Variants in SHLD1 observed in about 807,000 individuals in gnomAD.
SHLD1 encodes the protein shieldin complex subunit 1, also known as RINN1-REV7-interacting novel NHEJ regulator 3.
A neutral mutation model predicts 5.5 loss-of-function variants in SHLD1; 3 were observed. That is an observed-to-expected ratio of 0.54 (90% CI 0.25 to 1.40). The LOEUF is 1.40. Among genes scored for constraint, SHLD1 ranks in the 40% most tolerant of loss-of-function variants. SHLD1 has a pLI of 0.15. For synonymous variants in SHLD1, 92 were observed against 94.3 expected, an observed-to-expected ratio of 0.98 and a Z score of 0.14; for missense variants, 210 against 244.4, an observed-to-expected ratio of 0.86 and a Z score of 0.94.
At position 5,819,011 on chromosome 20, in the gene SHLD1, C is replaced by T. The variant is rs551473657; in HGVS notation, c.179-44013C>T. On this transcript the variant is annotated intron_variant, in intron 2 of 2. Transcript: ENST00000303142. ...CCAAGTAGCTGGGACTACAGGTGTGCGCCATCACACCCAGCTGATTTTTGT... is the reference window on the plus strand; with the variant it reads ...CCAAGTAGCTGGGACTACAGGTGTGTGCCATCACACCCAGCTGATTTTTGT... Among the ~76,000 whole-genome samples, 99 of 152,182 alleles carry T rather than the reference C, an allele frequency of 6.5e-4. No individual in the cohort carries two copies. The South Asian group carries it at 6.6e-3, about 10-fold the overall frequency.
intron 2 of SHLD1, among the ~76,000 whole-genome samples, chr20:5,799,510 G>C (rs1281788126): frequency 1.9e-5 from 2 of 104,028 alleles, no homozygotes; most frequent in Non-Finnish European, 3.7e-5. Context: ...ACAGGGTTTT[G>C]CCATGTTGCC....
chr20:5,765,539 C>T (rs1023536021), intron 1 of SHLD1, among the ~76,000 whole-genome samples: 5 of 152,000 alleles, frequency 3.3e-5, no homozygotes, highest in Non-Finnish European at 7.4e-5. Flanking sequence ...TGAGCCACCA[C>T]GCCAGGCCAC....
intron 2 of SHLD1, among the ~76,000 whole-genome samples, chr20:5,820,868 G>A (rs2087598343): frequency 6.6e-6 from 1 of 152,182 alleles, no homozygotes; most frequent in African/African-American, 2.4e-5. Flanking sequence ...CAACCAGGCT[G>A]TTACCTAAAA....
Position 5,769,464 on chromosome 20 carries a change from C to A in SHLD1, c.-4-3398C>A, listed in dbSNP as rs116176437. 8.1e-3 allele frequency among the ~76,000 whole-genome samples: 1,232 copies of A among 152,328 alleles called. 19 individuals carry two copies. Among genetic ancestry groups the A allele is most frequent in the African/African-American group, 0.028 (1,174 of 41,568 alleles). Reference sequence around the variant, plus strand: ...CCCTTGAGGTGGACTACGGACCCCCCAGGGGATACCCGAAATGGCAGATGG... The same window carrying A: ...CCCTTGAGGTGGACTACGGACCCCCAAGGGGATACCCGAAATGGCAGATGG... On this transcript the variant is annotated intron_variant, in intron 1 of 2. Transcript: ENST00000303142.
At chr20:5,809,636 A>G (rs1368376009) in intron 2 of SHLD1, among the ~76,000 whole-genome samples, 1 of 152,000 alleles carries the variant, frequency 6.6e-6, no homozygotes, top group African/African-American at 2.4e-5. Flanking sequence ...TGTACAGACA[A>G]CTTAAATATT....
At chr20:5,815,434 G>A (rs1288402263) in intron 2 of SHLD1, among the ~76,000 whole-genome samples, 6 of 152,214 alleles carry the variant, frequency 3.9e-5, no homozygotes, top group African/African-American at 1.4e-4. Flanking sequence ...TAAAGTGTGA[G>A]GTGGAGGCCA....
intron 2 of SHLD1, among the ~76,000 whole-genome samples, chr20:5,861,678 A>G (rs2088164898): frequency 6.6e-6 from 1 of 152,194 alleles, no homozygotes; most frequent in African/African-American, 2.4e-5. Flanking sequence ...TGAAGCCCAG[A>G]AAGGTTGTAT....
intron 1 of SHLD1, 37 bp downstream of exon 1, chr20:5,750,516 T>TGGGGGGGGGG (rs1983681782): frequency 2.3e-4 from 4 of 17,444 alleles, no homozygotes; most frequent in Non-Finnish European, 4.3e-4. Context: ...GTTGGAGTGG[T>TGGGGGGGGGG]GGGGGCGGGG....
intron 1 of SHLD1, among the ~76,000 whole-genome samples, chr20:5,751,692 AT>A (rs1983759079): frequency 6.6e-6 from 1 of 152,202 alleles, no homozygotes; most frequent in South Asian, 2.1e-4. Flanking sequence ...TCTGTAAACT[AT>A]TTTAAAGCGG....
intron 2 of SHLD1, among the ~76,000 whole-genome samples, chr20:5,795,486 C>G (rs554115616): frequency 6.6e-6 from 1 of 151,278 alleles, no homozygotes; most frequent in African/African-American, 2.4e-5. Context: ...GTAATCCCAG[C>G]TACTTGGGAG....
chr20:5,767,129 T>TTTC (rs141810317), intron 1 of SHLD1, among the ~76,000 whole-genome samples: 2 of 145,432 alleles, frequency 1.4e-5, no homozygotes, highest in Non-Finnish European at 2.9e-5. Flanking sequence ...CACATTTTCT[T>TTTC]TTCTTTTCTT....
At chr20:5,847,203 T>C (rs1428736867) in intron 2 of SHLD1, among the ~76,000 whole-genome samples, 1 of 152,214 alleles carries the variant, frequency 6.6e-6, no homozygotes, top group Non-Finnish European at 1.5e-5. Flanking sequence ...AACCCCTTCT[T>C]CCAGTGATCC....
chr20:5,842,568 G>A (rs376532775), intron 2 of SHLD1, among the ~76,000 whole-genome samples: 6 of 152,210 alleles, frequency 3.9e-5, no homozygotes, highest in East Asian at 3.9e-4. Context: ...CCATTAACTC[G>A]TTGTCTCATT....
chr20:5,764,190 AT>A (rs1186948406), intron 1 of SHLD1, among the ~76,000 whole-genome samples: 1 of 52,638 alleles, frequency 1.9e-5, no homozygotes, highest in Non-Finnish European at 3.6e-5. Context: ...ATATATATAT[AT>A]TTTATATATA....
intron 2 of SHLD1, among the ~76,000 whole-genome samples, chr20:5,807,798 T>C (rs2087400832): frequency 6.6e-6 from 1 of 152,346 alleles, no homozygotes; most frequent in African/African-American, 2.4e-5. Flanking sequence ...AGCAATGAGC[T>C]AGAAAGAGGA....
At position 5,821,338 on chromosome 20, in the gene SHLD1, C is replaced by T. The variant is rs113160049; in HGVS notation, c.179-41686C>T. The stretch of plus-strand genomic sequence containing the variant: ...GACCAGACTGGCCAACATGGTGAAA[C>T]CCCGTTTCTACTAAAAATACAAAAA... On this transcript the variant is annotated intron_variant, in intron 2 of 2. Coordinates refer to ENST00000303142, the MANE Select transcript of SHLD1 (RefSeq NM_152504.4). Among the ~76,000 whole-genome samples the T allele has an allele frequency of 7.6e-3, 1,162 of 151,996 alleles. 9 individuals are homozygous for T. The highest frequency in any genetic ancestry group is 0.027 in the African/African-American group (1,127 of 41,472).
In SHLD1 at chr20:5,752,268, C is replaced by T. The variant is rs150247291; in HGVS notation, c.-5+1789C>T. Among the ~76,000 whole-genome samples the T allele has an allele frequency of 1.3e-4, 20 of 152,130 alleles. No homozygotes were observed. In the East Asian group the frequency reaches 3.9e-3, roughly 29 times the overall value. On this transcript the variant is annotated intron_variant, in intron 1 of 2. Transcript: ENST00000303142. The stretch of plus-strand genomic sequence containing the variant: ...AAAATTAGCCAGGCACGGTGGCGTG[C>T]GCCTGTAATCCCAGCTACTTGGAAG...
intron 2 of SHLD1, among the ~76,000 whole-genome samples, chr20:5,784,170 A>G (rs562941088): frequency 1.7e-3 from 253 of 151,390 alleles, no homozygotes; most frequent in African/African-American, 6.0e-3. Flanking sequence ...AAAAGAAAAA[A>G]GAAAACCACA....
At chr20:5,800,851 GTGTGTGCGTA>G (rs1386889295) in intron 2 of SHLD1, among the ~76,000 whole-genome samples, 1 of 40,194 alleles carries the variant, frequency 2.5e-5, no homozygotes, top group Non-Finnish European at 5.4e-5. Flanking sequence ...CTGTGTGTGT[GTGTGTGCGTA>G]TGTCTATATC....
Sources: allele counts gnomAD v4.1 joint callset (sites outside exome capture counted in the v4.1 genomes callset), GRCh38; gene constraint gnomAD v4.1.1; transcripts MANE v1.5; gene names NCBI Gene and HGNC (gene_info 2026-07-23, HGNC 2026-07-21).